The following FYN variants were observed in gnomAD, a reference collection of about 807,000 sequenced individuals.
The protein encoded by FYN is FYN proto-oncogene, Src family tyrosine kinase.
In FYN, 10 loss-of-function variants were observed where a neutral mutation model predicts 70.2. That is an observed-to-expected ratio of 0.14 (90% CI 0.09 to 0.24). FYN has a LOEUF of 0.24. FYN is among the 10% of genes least tolerant of loss of function. The probability of loss-of-function intolerance (pLI) is 1.00; values close to 1 mark genes in which losing one functional copy is unlikely to be tolerated. For synonymous variants in FYN, 236 were observed against 248.6 expected (o/e 0.95, Z 0.48); for missense variants, 319 against 673.1 (o/e 0.47, Z 5.82).
At chr6:111,662,409 A>G (rs1797787104) in intron 13 of FYN, among the ~76,000 whole-genome samples, 1 of 152,178 alleles carries the variant, frequency 6.6e-6, no homozygotes, top group Non-Finnish European at 1.5e-5. Context: ...TGCGGGTCAC[A>G]TATGATCCCT....
At chr6:111,777,285 C>T (rs1770988710) in intron 3 of FYN, among the ~76,000 whole-genome samples, 1 of 152,140 alleles carries the variant, frequency 6.6e-6, no homozygotes, top group Non-Finnish European at 1.5e-5. Flanking sequence ...AGCCTTTCCA[C>T]TCTGATGATT....
chr6:111,832,642 T>C (rs1773050532), intron 2 of FYN, among the ~76,000 whole-genome samples: 1 of 152,160 alleles, frequency 6.6e-6, no homozygotes, highest in Non-Finnish European at 1.5e-5. Flanking sequence ...ATTTAATAGA[T>C]GTATCACAGT....
intron 13 of FYN, among the ~76,000 whole-genome samples, chr6:111,662,277 G>C (rs1797777546): frequency 6.6e-6 from 1 of 152,224 alleles, no homozygotes; most frequent in Non-Finnish European, 1.5e-5. Flanking sequence ...CTGCCTGGGG[G>C]AGGGGAGGAA....
intron 3 of FYN, among the ~76,000 whole-genome samples, chr6:111,733,125 T>C (rs1347926007): frequency 6.6e-6 from 1 of 152,172 alleles, no homozygotes; most frequent in Non-Finnish European, 1.5e-5. Flanking sequence ...CTGATTACCT[T>C]TGACACAAAC....
chr6:111,794,468 CGA>C (rs1328225331), intron 2 of FYN, among the ~76,000 whole-genome samples: 1 of 152,146 alleles, frequency 6.6e-6, no homozygotes, highest in African/African-American at 2.4e-5. Flanking sequence ...GTCAATTCCT[CGA>C]GAGTCTGCAG....
intron 2 of FYN, among the ~76,000 whole-genome samples, chr6:111,815,723 T>C (rs1772467287): frequency 6.6e-6 from 1 of 151,710 alleles, no homozygotes. Context: ...TTTTTTTTTT[T>C]TTTTCTTTTT....
intron 2 of FYN, among the ~76,000 whole-genome samples, chr6:111,781,904 T>A (rs747058058): frequency 5.3e-5 from 8 of 152,252 alleles, no homozygotes; most frequent in Non-Finnish European, 1.2e-4. Flanking sequence ...CTATTAGGCA[T>A]AAATGATACT....
At chr6:111,733,245 C>T (rs141586076) in intron 3 of FYN, among the ~76,000 whole-genome samples, 133 of 152,312 alleles carry the variant, frequency 8.7e-4, no homozygotes, top group African/African-American at 3.2e-3. Context: ...CATATGCTAT[C>T]TCATTTAATC....
intron 3 of FYN, among the ~76,000 whole-genome samples, chr6:111,779,750 T>C (rs2128506143): frequency 6.6e-6 from 1 of 152,328 alleles, no homozygotes; most frequent in South Asian, 2.1e-4. Flanking sequence ...GCTGCCTTCC[T>C]GCTGGAAAAT....
chr6:111,756,928 T>C (rs1422727180), intron 3 of FYN, among the ~76,000 whole-genome samples: 3 of 152,300 alleles, frequency 2.0e-5, no homozygotes, highest in East Asian at 1.9e-4. Flanking sequence ...TAAGGATCTG[T>C]GCTATCCCTA....
At chr6:111,840,057 T>C (rs1005000343) in intron 2 of FYN, among the ~76,000 whole-genome samples, 11 of 152,174 alleles carry the variant, frequency 7.2e-5, no homozygotes, top group Admixed American at 2.6e-4. Context: ...GAGAAGAGAC[T>C]AGTTCTTAGA....
At chr6:111,770,939 A>G (rs1803427881) in intron 3 of FYN, among the ~76,000 whole-genome samples, 1 of 152,154 alleles carries the variant, frequency 6.6e-6, no homozygotes, top group African/African-American at 2.4e-5. Flanking sequence ...TTTGGTGGGA[A>G]CAAACCATAG....
At chr6:111,685,639 C>A (rs1172545240) in intron 12 of FYN, among the ~76,000 whole-genome samples, 1 of 152,196 alleles carries the variant, frequency 6.6e-6, no homozygotes, top group Non-Finnish European at 1.5e-5. Context: ...GACAAGGAAG[C>A]CAACTGACAT....
intron 12 of FYN, among the ~76,000 whole-genome samples, chr6:111,682,920 T>C (rs748890968): frequency 6.6e-6 from 1 of 152,190 alleles, no homozygotes; most frequent in Non-Finnish European, 1.5e-5. Flanking sequence ...TTTATTCAGA[T>C]AGTAAAGGCC....
At chr6:111,800,812 T>C (rs964309665) in intron 2 of FYN, among the ~76,000 whole-genome samples, 1 of 152,166 alleles carries the variant, frequency 6.6e-6, no homozygotes, top group Non-Finnish European at 1.5e-5. Flanking sequence ...ACTCTTCTCA[T>C]GGGAAATCAA....
chr6:111,704,731 G>A (rs1000908085), intron 6 of FYN, among the ~76,000 whole-genome samples: 8 of 150,802 alleles, frequency 5.3e-5, no homozygotes, highest in Non-Finnish European at 1.0e-4. Context: ...TCCAGCCTGG[G>A]TGACAGAGCA....
Position 111,694,764 on chromosome 6 carries a change from C to T in FYN, c.1043-60G>A. On this transcript the variant is annotated intron_variant, in intron 10 of 13. Transcript: ENST00000354650. This position sits in a 1 kb window ranked among gnomAD's most constrained non-coding sequence, Gnocchi z 5.0. ...TTGAAAGATAATTCCCAACAGAGAG[C>T]TGTATTTGGTTTTCTTATTAAAAGT... The T allele has an allele frequency of 2.1e-6, 3 of 1,442,948 alleles. No individual in the cohort carries two copies. Among genetic ancestry groups the T allele is most frequent in the South Asian group, 2.5e-5 (2 of 81,268 alleles). 89.4% of individuals were successfully genotyped at this position (1,442,948 alleles called of 1,614,324 possible). A position where few individuals can be genotyped will look rare whatever the true frequency, so the allele number is the denominator to read the frequency against.
At chr6:111,713,814 A>G (rs1465215131) in intron 5 of FYN, among the ~76,000 whole-genome samples, 2 of 152,212 alleles carry the variant, frequency 1.3e-5, no homozygotes, top group Non-Finnish European at 2.9e-5. Context: ...CACTTCTTCT[A>G]GCTCCAAAAG....
intron 2 of FYN, among the ~76,000 whole-genome samples, chr6:111,796,899 T>C (rs1208308952): frequency 6.6e-6 from 1 of 152,224 alleles, no homozygotes; most frequent in African/African-American, 2.4e-5. Flanking sequence ...TTATTTAATA[T>C]TTATTGTATC....
Sources: gnomAD v4.1 joint callset for allele counts (sites outside exome capture counted in the v4.1 genomes callset) on GRCh38, gnomAD v4.1.1 for gene constraint, Gnocchi (gnomAD v3.1) non-coding constraint, MANE v1.5 for transcripts, NCBI Gene and HGNC (gene_info 2026-07-23, HGNC 2026-07-21) for gene names.